TMEM94: variants seen among roughly 807,000 people sequenced by gnomAD.
TMEM94 encodes the protein transmembrane protein 94.
A neutral mutation model predicts 158.6 loss-of-function variants in TMEM94; 81 were observed. The ratio of observed to expected loss-of-function variants is 0.51; its 90% CI spans 0.43 to 0.61. The LOEUF is 0.61. Among genes scored for constraint, TMEM94 ranks in the 20% least tolerant of loss-of-function variants. The probability of loss-of-function intolerance (pLI) is 0.00; values close to 1 mark genes in which losing one functional copy is unlikely to be tolerated. For missense variants in TMEM94, 1,435 were observed against 1,762.0 expected (o/e 0.81, Z 3.32); for synonymous variants, 751 against 730.7 (o/e 1.03, Z -0.45).
chr17:75,493,717 C>G lies in TMEM94; in HGVS notation c.2208C>G (p.Phe736Leu), dbSNP rs980244929. 31 of 1,613,934 alleles carry G rather than the reference C, an allele frequency of 1.9e-5. No homozygotes were observed. The highest frequency in any genetic ancestry group is 2.5e-5 in the Non-Finnish European group (30 of 1,180,046). The change falls in exon 18 of 32, where the codon TTC becomes TTG. Residue 736 changes from phenylalanine (F) to leucine (L), a missense_variant. By Grantham distance (22) the Phe-to-Leu change is conservative. Transcript: ENST00000314256. ...CTGGCAGAAAGAAAGTGCTGGACTT[C>G]TACCAGCGAGCCTGCCTGTCTGGGT... ...SGSDRKKVLD[F>L]YQRACLSGYC...
Position 75,492,699 on chromosome 17 carries a change from C to T in TMEM94, c.1822C>T (p.His608Tyr), listed in dbSNP as rs2052320176. 6.2e-7 allele frequency: 1 copy of T among 1,613,344 alleles called. No individual in the cohort carries two copies. The highest frequency in any genetic ancestry group is 1.7e-5 in the Admixed American group (1 of 60,022). The change falls in exon 15 of 32, where the codon CAC becomes TAC. Residue 608 changes from histidine (H) to tyrosine (Y), a missense_variant. Physicochemically the swap from His to Tyr is moderately conservative, Grantham distance 83. This residue lies in a region of TMEM94 where 1,051 missense variants were observed against 1,254.4 expected (regional missense o/e 0.84). Coordinates refer to ENST00000314256, the MANE Select transcript of TMEM94 (RefSeq NM_014738.6). This position sits in a 1 kb window ranked among gnomAD's most constrained non-coding sequence, Gnocchi z 4.4. ...VTERLCRFSD[H>Y]LCNIALQESH... ...CGAGCGCCTGTGCCGATTCTCCGAC[C>T]ACCTGTGCAACATCGCCCTGCAAGA... is the stretch of plus-strand genomic sequence containing the variant.
intron 2 of TMEM94, among the ~76,000 whole-genome samples, chr17:75,484,319 C>T (rs1032038254): frequency 1.6e-4 from 22 of 137,926 alleles, no homozygotes; most frequent in Non-Finnish European, 2.4e-4. Flanking sequence ...TCCCTCCCAA[C>T]CTCCCTCCCT....
rs761928664 is a variant in TMEM94, at chr17:75,485,541, G to A, written c.138G>A (p.Thr46=). The A allele has an allele frequency of 1.1e-5, 18 of 1,614,198 alleles. No homozygotes were observed. The highest frequency in any genetic ancestry group is 1.6e-4 in the Middle Eastern group (1 of 6,062). Reference sequence around the variant, plus strand: ...TCAGGGAGCGGAAGAAGTGTCTGACGTGGAAGGTGAAGCTTCTTCTCGGGG... The same window carrying A: ...TCAGGGAGCGGAAGAAGTGTCTGACATGGAAGGTGAAGCTTCTTCTCGGGG... The part of the protein sequence containing the change: ...GHLRERKKCL[T]WKEVWRSSFL... The change falls in exon 3 of 32, where the codon ACG becomes ACA. Residue 46 remains threonine (T), a synonymous_variant. Coordinates refer to ENST00000314256, the MANE Select transcript of TMEM94 (RefSeq NM_014738.6). This position sits in a 1 kb window ranked among gnomAD's most constrained non-coding sequence, Gnocchi z 5.5.
Position 75,498,969 on chromosome 17 carries a change from C to A in TMEM94, c.3885C>A (p.Asp1295Glu), listed in dbSNP as rs761664244. 2 of 1,593,832 alleles carry A rather than the reference C, an allele frequency of 1.3e-6. No homozygotes were observed. Among genetic ancestry groups the A allele is most frequent in the Non-Finnish European group, 1.7e-6 (2 of 1,170,108 alleles). The change falls in exon 31 of 32, where the codon GAC becomes GAA. Residue 1295 changes from aspartate to glutamate, a missense_variant. This residue lies in a region of TMEM94 where 335 missense variants were observed against 409.1 expected (regional missense o/e 0.82). Coordinates refer to ENST00000314256, the MANE Select transcript of TMEM94 (RefSeq NM_014738.6). This position sits in a 1 kb window ranked among gnomAD's most constrained non-coding sequence, Gnocchi z 6.7. Reference sequence around the variant, plus strand: ...ACCTGCAGCTGTGGACACACAGGGACAGCCACGTCCACTTTGGCCTGGAGG... The same window carrying A: ...ACCTGCAGCTGTGGACACACAGGGAAAGCCACGTCCACTTTGGCCTGGAGG... ...AVDLQLWTHR[D>E]SHVHFGLEDV...
intron 1 of TMEM94, among the ~76,000 whole-genome samples, chr17:75,468,921 C>T (rs180686640): frequency 2.2e-3 from 328 of 152,266 alleles, no homozygotes; most frequent in African/African-American, 7.6e-3. Flanking sequence ...CAAGAGGAGT[C>T]GCTTGGCATC....
chr17:75,493,280 C>T, intron 16 of TMEM94, 178 bp downstream of exon 16: 1 of 854,644 alleles, frequency 1.2e-6, no homozygotes, highest in South Asian at 1.7e-5. Flanking sequence ...GTGTTGGCTG[C>T]AGAGGCCGGG....
chr17:75,479,951 G>C (rs570377343), intron 2 of TMEM94, among the ~76,000 whole-genome samples: 3 of 151,978 alleles, frequency 2.0e-5, no homozygotes. Context: ...TCTGGGCTTG[G>C]TGGTACACAT....
chr17:75,472,070 G>T lies in TMEM94; in HGVS notation c.24+141G>T, dbSNP rs941426629. On this transcript the variant is annotated intron_variant, in intron 2 of 31. Coordinates refer to ENST00000314256, the MANE Select transcript of TMEM94 (RefSeq NM_014738.6). ...GGAGGCAAGGCTCTGAGTCTTGGGG[G>T]ATGCGACTGTGACCTCTTGGCTGGA... The T allele has an allele frequency of 3.6e-5, 27 of 753,548 alleles. No homozygotes were observed. In the African/African-American group the frequency reaches 3.6e-4, roughly 10 times the overall value. 46.7% of individuals were successfully genotyped at this position (753,548 alleles called of 1,614,324 possible). A position where few individuals can be genotyped will look rare whatever the true frequency, so the allele number is the denominator to read the frequency against.
intron 18 of TMEM94, 30 bp from the exon 19 acceptor site, chr17:75,494,597 C>A (rs144257413): frequency 1.9e-6 from 3 of 1,606,726 alleles, no homozygotes; most frequent in Non-Finnish European, 2.6e-6. Context: ...GTGTCCTGAT[C>A]GGGCTGTGTC....
Position 75,495,047 on chromosome 17 carries a change from G to T in TMEM94, c.2728+13G>T. The T allele has an allele frequency of 6.2e-7, 1 of 1,611,130 alleles. No individual in the cohort carries two copies. Among genetic ancestry groups the T allele is most frequent in the Non-Finnish European group, 8.5e-7 (1 of 1,178,750 alleles). On this transcript the variant is annotated intron_variant, in intron 20 of 31. Coordinates refer to ENST00000314256, the MANE Select transcript of TMEM94 (RefSeq NM_014738.6). This position sits in a 1 kb window ranked among gnomAD's most constrained non-coding sequence, Gnocchi z 5.6. ...GACCTGAATCAGGGTAAGGGCAAAG[G>T]CGTGGGGTGGGGACGGGGTGGCGGT...
At position 75,496,048 on chromosome 17, in the gene TMEM94, C is replaced by T. The variant is rs752727947; in HGVS notation, c.3027C>T (p.Ser1009=). The T allele has an allele frequency of 1.9e-6, 3 of 1,612,746 alleles. No individual in the cohort carries two copies. In the East Asian group the frequency reaches 6.7e-5, roughly 36 times the overall value. ...GCAGCTCTGCCAACCTGCGGAACAG[C>T]TGCCTCTTCCTCCAGAGCGACATCA... ...CLGSSANLRN[S]CLFLQSDISI... Residue 1009 remains serine (S), a synonymous_variant, in exon 23 of 32, where the codon AGC becomes AGT. Coordinates refer to ENST00000314256, the MANE Select transcript of TMEM94 (RefSeq NM_014738.6).
chr17:75,469,302 A>G (rs2050413495), intron 1 of TMEM94, among the ~76,000 whole-genome samples: 1 of 151,390 alleles, frequency 6.6e-6, no homozygotes. Flanking sequence ...TCCAACTTAC[A>G]TATCTAGATT....
intron 2 of TMEM94, among the ~76,000 whole-genome samples, chr17:75,482,653 G>T (rs993548504): frequency 6.6e-6 from 1 of 152,162 alleles, no homozygotes; most frequent in South Asian, 2.1e-4. Flanking sequence ...ATTTTTAAAA[G>T]CTGTGGTGTC....
intron 19 of TMEM94, 41 bp from the exon 20 acceptor site, chr17:75,494,855 G>A: frequency 1.2e-6 from 2 of 1,612,692 alleles, no homozygotes; most frequent in Non-Finnish European, 1.7e-6. Context: ...GTTTCCACGG[G>A]CTTTTGGGCC....
rs748236414 is a variant in TMEM94, at chr17:75,489,363, G to A, written c.862G>A (p.Val288Ile). 39 of 1,614,020 alleles carry A rather than the reference G, an allele frequency of 2.4e-5. No homozygotes were observed. The East Asian group carries it at 5.1e-4, about 21-fold the overall frequency. The stretch of plus-strand genomic sequence containing the variant: ...GATGCTACACTATGCTGTGCCCGTG[G>A]TCCTGGTGCGTGTGGCGGGGCTGTG... ...SVMLHYAVPV[V>I]LAGFLITNAL... The change falls in exon 8 of 32, where the codon GTC (valine) becomes ATC (isoleucine). Residue 288 changes from valine to isoleucine, a missense_variant. By Grantham distance (29) the Val-to-Ile change is conservative. This residue lies in a region of TMEM94 where 1,051 missense variants were observed against 1,254.4 expected (regional missense o/e 0.84). Coordinates refer to ENST00000314256, the MANE Select transcript of TMEM94 (RefSeq NM_014738.6). This position sits in a 1 kb window ranked among gnomAD's most constrained non-coding sequence, Gnocchi z 5.0.
At chr17:75,456,905 G>A (rs141281445) in intron 1 of TMEM94, among the ~76,000 whole-genome samples, 154 bp downstream of exon 1, 2,818 of 152,334 alleles carry the variant, frequency 0.018, 40 homozygotes, top group Middle Eastern at 0.1. Flanking sequence ...GGGGAGTCCA[G>A]GGACTGGCTC....
At chr17:75,477,384 A>G (rs748095289) in intron 2 of TMEM94, among the ~76,000 whole-genome samples, 17 of 152,036 alleles carry the variant, frequency 1.1e-4, no homozygotes, top group Non-Finnish European at 1.2e-4. Context: ...TGTCGCTTCC[A>G]TACCTGCACT....
At position 75,493,727 on chromosome 17, in the gene TMEM94, G is replaced by C; in HGVS notation, c.2218G>C (p.Ala740Pro). 6.2e-7 allele frequency: 1 copy of C among 1,614,044 alleles called. No individual in the cohort carries two copies. Among genetic ancestry groups the C allele is most frequent in the Non-Finnish European group, 8.5e-7 (1 of 1,180,032 alleles). Residue 740 changes from alanine to proline, a missense_variant, in exon 18 of 32, where the codon GCC becomes CCC. Ala to Pro is a conservative substitution (Grantham distance 27). Transcript: ENST00000314256. ...GAAAGTGCTGGACTTCTACCAGCGAGCCTGCCTGTCTGGGTATTGCTCTGC... is the reference window on the plus strand; with the variant it reads ...GAAAGTGCTGGACTTCTACCAGCGACCCTGCCTGTCTGGGTATTGCTCTGC... ...RKKVLDFYQR[A>P]CLSGYCSAFA...
intron 2 of TMEM94, among the ~76,000 whole-genome samples, chr17:75,474,565 C>T (rs981826295): frequency 3.3e-5 from 5 of 152,046 alleles, no homozygotes; most frequent in Admixed American, 6.6e-5. Context: ...CTCTTGAACT[C>T]GGGAGGCAGA....
Sources: allele counts gnomAD v4.1 joint callset (sites outside exome capture counted in the v4.1 genomes callset), GRCh38; gene constraint gnomAD v4.1.1; regional missense constraint gnomAD v4.1.1; non-coding constraint Gnocchi (gnomAD v3.1); transcripts MANE v1.5; gene names NCBI Gene and HGNC (gene_info 2026-07-23, HGNC 2026-07-21).